Variants in CTBP2 observed in about 807,000 individuals in gnomAD.
CTBP2 encodes the protein C-terminal binding protein 2.
In CTBP2, 30 loss-of-function variants were observed where a neutral mutation model predicts 80.3. That is an observed-to-expected ratio of 0.37 (90% CI 0.28 to 0.51). CTBP2 has a LOEUF of 0.51. CTBP2 is among the 20% of genes least tolerant of loss of function. The pLI, the probability that CTBP2 is intolerant of heterozygous loss-of-function variation, is 0.93. For synonymous variants in CTBP2, 594 were observed against 587.4 expected (o/e 1.01, Z -0.16); for missense variants, 1,212 against 1,375.3 (o/e 0.88, Z 1.88).
At chr10:124,994,022 G>A (rs771437942) in intron 5 of CTBP2, 37 bp from the exon 8 acceptor site, 12 of 1,612,146 alleles carry the variant, frequency 7.4e-6, no homozygotes, top group Admixed American at 1.7e-5. Flanking sequence ...CAGGCACACT[G>A]GCATGGTGGA....
chr10:125,049,495 C>T (rs1476581390), intron 2 of CTBP2, among the ~76,000 whole-genome samples: 2 of 152,182 alleles, frequency 1.3e-5, no homozygotes, highest in East Asian at 1.9e-4. Context: ...TCTGATGCCA[C>T]GAATACCTCA....
At chr10:125,018,399 G>C (rs1418316364) in intron 1 of CTBP2, among the ~76,000 whole-genome samples, 1 of 152,136 alleles carries the variant, frequency 6.6e-6, no homozygotes, top group Non-Finnish European at 1.5e-5. Context: ...GTGGGCACCT[G>C]TGGTCTCAGC....
At chr10:125,135,530 C>T (rs1856847334) in intron 1 of CTBP2, among the ~76,000 whole-genome samples, 1 of 152,164 alleles carries the variant, frequency 6.6e-6, no homozygotes, top group Non-Finnish European at 1.5e-5. Flanking sequence ...GCTTTGTCTC[C>T]TAGGCAACGG....
At chr10:125,154,096 A>G (rs1860493764) in intron 1 of CTBP2, among the ~76,000 whole-genome samples, 1 of 152,254 alleles carries the variant, frequency 6.6e-6, no homozygotes, top group African/African-American at 2.4e-5. Context: ...GTCATAATTA[A>G]GGATTTGTTT....
upstream of CTBP2, among the ~76,000 whole-genome samples, chr10:125,161,714 G>GAA (rs746000424): frequency 2.9e-5 from 4 of 138,224 alleles, no homozygotes; most frequent in Non-Finnish European, 4.7e-5. Flanking sequence ...CTTACACATT[G>GAA]AAAAAAAAAA....
intron 1 of CTBP2, among the ~76,000 whole-genome samples, chr10:125,157,299 C>T (rs1406370362): frequency 6.6e-6 from 1 of 151,080 alleles, no homozygotes; most frequent in African/African-American, 2.4e-5. Context: ...TTTCAAAGCT[C>T]CCAGGCGAAA....
intron 1 of CTBP2, among the ~76,000 whole-genome samples, chr10:125,139,299 G>C (rs1256314579): frequency 1.3e-5 from 2 of 149,266 alleles, no homozygotes; most frequent in African/African-American, 5.0e-5. Context: ...AAACCAGGAG[G>C]CAGAGGTTCC....
At chr10:124,992,625 T>A in intron 8 of CTBP2, 70 bp downstream of exon 10, 2 of 1,143,596 alleles carry the variant, frequency 1.7e-6, no homozygotes, top group Non-Finnish European at 2.5e-6. Flanking sequence ...TCCGCCAAGT[T>A]TGGGCTTCTC....
At chr10:125,028,450 C>A (rs550678728), upstream of CTBP2, among the ~76,000 whole-genome samples, 1 of 152,242 alleles carries the variant, frequency 6.6e-6, no homozygotes, top group African/African-American at 2.4e-5. Flanking sequence ...AAGGTCCACA[C>A]GTGATCCTAG....
intron 2 of CTBP2, among the ~76,000 whole-genome samples, chr10:125,077,626 T>C (rs1276709848): frequency 6.6e-6 from 1 of 152,138 alleles, no homozygotes; most frequent in African/African-American, 2.4e-5. Context: ...GGGCTTGGGA[T>C]TACCAACAAA....
chr10:125,099,579 T>C (rs1376392413), intron 2 of CTBP2, among the ~76,000 whole-genome samples: 4 of 152,144 alleles, frequency 2.6e-5, no homozygotes, highest in African/African-American at 9.7e-5. Context: ...GTACAATTCC[T>C]CACTCTCAAT....
intron 1 of CTBP2, among the ~76,000 whole-genome samples, chr10:125,132,476 G>A (rs1219155725): frequency 6.6e-6 from 1 of 152,164 alleles, no homozygotes; most frequent in Non-Finnish European, 1.5e-5. Flanking sequence ...TCCCACAGTT[G>A]GGGGACTTGG....
chr10:125,051,924 T>C (rs1962866675), intron 2 of CTBP2, among the ~76,000 whole-genome samples: 1 of 152,178 alleles, frequency 6.6e-6, no homozygotes. Context: ...GACGTGAAGA[T>C]GGCATCTAAA....
chr10:125,094,318 G>A (rs909082495), intron 2 of CTBP2, among the ~76,000 whole-genome samples: 1 of 152,180 alleles, frequency 6.6e-6, no homozygotes, highest in Non-Finnish European at 1.5e-5. Context: ...GCACTGTCAT[G>A]AACACCCATG....
intron 2 of CTBP2, chr10:125,100,724 CCTT>C (rs1403806257): frequency 7.2e-5 from 11 of 152,270 alleles, no homozygotes; most frequent in African/African-American, 2.4e-4. Flanking sequence ...GCAGAGTTGT[CCTT>C]CTTCCCATTC....
At chr10:125,089,214 G>T (rs1590691556) in intron 2 of CTBP2, among the ~76,000 whole-genome samples, 1 of 152,276 alleles carries the variant, frequency 6.6e-6, no homozygotes, top group East Asian at 1.9e-4. Flanking sequence ...TTTTAGGCGA[G>T]AATAAAAGTT....
intron 2 of CTBP2, among the ~76,000 whole-genome samples, chr10:125,062,846 G>A (rs911220760): frequency 4.6e-5 from 7 of 152,234 alleles, no homozygotes; most frequent in African/African-American, 1.7e-4. Context: ...GCAACAAAGC[G>A]AGACTCTATC....
At position 125,027,491 on chromosome 10, in the gene CTBP2, G is replaced by T; in HGVS notation, c.269C>A (p.Thr90Asn). The change falls in exon 1 of 9, where the codon ACC (threonine) becomes AAC (asparagine). Residue 90 changes from threonine (T) to asparagine (N), a missense_variant. Physicochemically the swap from Thr to Asn is moderately conservative, Grantham distance 65. Coordinates refer to ENST00000309035, the MANE Select transcript of CTBP2 (RefSeq NM_022802.3). ...CACTGCCTGTCTGCTGTCGTAGAAG[G>T]TGAAGTCAGGAGTAGACCCCTTTCT... The T allele has an allele frequency of 6.2e-7, 1 of 1,614,196 alleles. No individual in the cohort carries two copies. Among genetic ancestry groups the T allele is most frequent in the Non-Finnish European group, 8.5e-7 (1 of 1,180,036 alleles).
At chr10:125,047,502 A>C (rs564716658) in intron 2 of CTBP2, among the ~76,000 whole-genome samples, 1 of 152,380 alleles carries the variant, frequency 6.6e-6, no homozygotes, top group East Asian at 1.9e-4. Flanking sequence ...CACACAATAC[A>C]TCTGCTGTGT....
Sources: gnomAD v4.1 joint callset for allele counts (sites outside exome capture counted in the v4.1 genomes callset) on GRCh38, gnomAD v4.1.1 for gene constraint, MANE v1.5 for transcripts, NCBI Gene and HGNC (gene_info 2026-07-23, HGNC 2026-07-21) for gene names.